CLSTN2: variants seen among roughly 807,000 people sequenced by gnomAD.
CLSTN2 encodes the protein calsyntenin-2.
Under a neutral mutation model 101.2 loss-of-function variants are expected in CLSTN2, and 48 were observed. The observed-to-expected ratio is 0.47, with a 90% CI of 0.38 to 0.60. The LOEUF is 0.60. Among genes scored for constraint, CLSTN2 ranks in the 20% least tolerant of loss-of-function variants. CLSTN2 has a pLI of 0.00. For missense variants in CLSTN2, 1,160 were observed against 1,238.2 expected, an observed-to-expected ratio of 0.94 and a Z score of 0.95; for synonymous variants, 481 against 463.6, an observed-to-expected ratio of 1.04 and a Z score of -0.48.
chr3:140,396,790 G>A (rs1335613018), intron 2 of CLSTN2, among the ~76,000 whole-genome samples: 10 of 152,152 alleles, frequency 6.6e-5, no homozygotes, highest in African/African-American at 1.7e-4. Context: ...AAACTGAGCC[G>A]CTCTGAGGCT....
At chr3:140,116,506 A>C (rs1012648205) in intron 1 of CLSTN2, among the ~76,000 whole-genome samples, 2 of 152,066 alleles carry the variant, frequency 1.3e-5, no homozygotes, top group Non-Finnish European at 2.9e-5. Flanking sequence ...TCTCCTTTTG[A>C]ACAGGGCCAG....
At chr3:140,107,032 A>AT (rs2009070779) in intron 1 of CLSTN2, among the ~76,000 whole-genome samples, 1 of 152,238 alleles carries the variant, frequency 6.6e-6, no homozygotes, top group Non-Finnish European at 1.5e-5. Context: ...GGCATTAAAG[A>AT]TAAAGATTTT....
intron 1 of CLSTN2, among the ~76,000 whole-genome samples, chr3:139,955,844 C>A: frequency 6.6e-6 from 1 of 152,170 alleles, no homozygotes; most frequent in Admixed American, 6.5e-5. Flanking sequence ...CGGAGGTGGG[C>A]AGCATGCATG....
chr3:140,311,314 TTTTTTTTTTGA>T (rs1441606996), intron 2 of CLSTN2, among the ~76,000 whole-genome samples: 3 of 71,456 alleles, frequency 4.2e-5, no homozygotes, highest in African/African-American at 1.5e-4. Flanking sequence ...TTTTTTTTTT[TTTTTTTTTTGA>T]GACAGAGTCT....
intron 1 of CLSTN2, among the ~76,000 whole-genome samples, chr3:140,092,712 C>G (rs567695043): frequency 2.0e-5 from 3 of 152,302 alleles, no homozygotes; most frequent in East Asian, 1.9e-4. Flanking sequence ...CCTGTGGACT[C>G]GAGCAAGTTA....
intron 2 of CLSTN2, among the ~76,000 whole-genome samples, chr3:140,326,608 T>C (rs1245956788): frequency 6.6e-6 from 1 of 152,224 alleles, no homozygotes; most frequent in African/African-American, 2.4e-5. Context: ...TATTTTTCCA[T>C]CTCAGATTCC....
chr3:140,289,334 TTTTG>T (rs1399197059), intron 2 of CLSTN2, among the ~76,000 whole-genome samples: 4 of 152,036 alleles, frequency 2.6e-5, no homozygotes, highest in South Asian at 4.2e-4. Flanking sequence ...TTGTGTTTTT[TTTTG>T]TTTGTTTGTT....
chr3:140,269,293 A>G (rs967989583), intron 2 of CLSTN2, among the ~76,000 whole-genome samples: 8 of 152,338 alleles, frequency 5.3e-5, no homozygotes, highest in Middle Eastern at 3.4e-3. Flanking sequence ...TTTGTCCCCA[A>G]TAGCTTTATT....
At chr3:140,320,518 G>A (rs937737231) in intron 2 of CLSTN2, among the ~76,000 whole-genome samples, 9 of 151,840 alleles carry the variant, frequency 5.9e-5, no homozygotes, top group Non-Finnish European at 1.2e-4. Context: ...GACACCTCAG[G>A]CCAGTGGGGC....
At chr3:140,016,793 GAAAA>G (rs56040791) in intron 1 of CLSTN2, among the ~76,000 whole-genome samples, 1 of 89,298 alleles carries the variant, frequency 1.1e-5, no homozygotes, top group Non-Finnish European at 2.0e-5. Flanking sequence ...GTGAGACTCT[GAAAA>G]AAAAAAAAAA....
At chr3:140,163,416 C>G (rs995356557) in intron 1 of CLSTN2, among the ~76,000 whole-genome samples, 23 of 128,102 alleles carry the variant, frequency 1.8e-4, no homozygotes, top group African/African-American at 1.1e-3. Flanking sequence ...AATTTTCTAT[C>G]TCTACACACA....
intron 2 of CLSTN2, among the ~76,000 whole-genome samples, chr3:140,223,397 C>T (rs1025730662): frequency 6.6e-6 from 1 of 152,208 alleles, no homozygotes; most frequent in African/African-American, 2.4e-5. Flanking sequence ...CCTCCCAGCA[C>T]CTGGACCAGC....
chr3:140,156,042 G>A (rs980351844), intron 1 of CLSTN2, among the ~76,000 whole-genome samples: 1 of 151,932 alleles, frequency 6.6e-6, no homozygotes, highest in African/African-American at 2.4e-5. Context: ...CTTCTTCAGC[G>A]TTGTTACTTA....
At chr3:140,370,185 A>C (rs1437331363) in intron 2 of CLSTN2, among the ~76,000 whole-genome samples, 1 of 152,196 alleles carries the variant, frequency 6.6e-6, no homozygotes, top group Non-Finnish European at 1.5e-5. Flanking sequence ...CCTTCCCTAG[A>C]GTCTGCTTCA....
intron 5 of CLSTN2, among the ~76,000 whole-genome samples, chr3:140,442,846 A>T (rs891032492): frequency 6.6e-6 from 1 of 152,168 alleles, no homozygotes; most frequent in Non-Finnish European, 1.5e-5. Flanking sequence ...TCTCCAGCCC[A>T]TCTCTGCTTC....
chr3:140,399,544 C>T lies in CLSTN2; in HGVS notation c.233-4085C>T, dbSNP rs990388608. On this transcript the variant is annotated intron_variant, in intron 2 of 16. Coordinates refer to ENST00000458420, the MANE Select transcript of CLSTN2 (RefSeq NM_022131.3). ...TTTTACCTTTTCTATTATGCAATGT[C>T]CATTTTTAAATACAAATATAAGAGC... 7.2e-5 allele frequency among the ~76,000 whole-genome samples: 11 copies of T among 152,206 alleles called. No individual in the cohort carries two copies. The South Asian group carries it at 1.9e-3, about 26-fold the overall frequency.
At chr3:140,171,752 G>GTATAATA (rs67310886) in intron 1 of CLSTN2, among the ~76,000 whole-genome samples, 1 of 94,514 alleles carries the variant, frequency 1.1e-5, no homozygotes. Flanking sequence ...TATATAATAT[G>GTATAATA]TATAATATAT....
intron 8 of CLSTN2, among the ~76,000 whole-genome samples, chr3:140,496,090 T>C (rs1934459064): frequency 6.6e-6 from 1 of 152,222 alleles, no homozygotes; most frequent in Non-Finnish European, 1.5e-5. Context: ...TTCTTCCTAT[T>C]CATGATCATG....
intron 1 of CLSTN2, among the ~76,000 whole-genome samples, chr3:139,976,840 G>A (rs920366798): frequency 6.6e-6 from 1 of 152,176 alleles, no homozygotes; most frequent in Admixed American, 6.5e-5. Context: ...GTGTGTGCAT[G>A]CATGTGCACA....
Sources: allele counts gnomAD v4.1 joint callset (sites outside exome capture counted in the v4.1 genomes callset), GRCh38; gene constraint gnomAD v4.1.1; transcripts MANE v1.5; gene names NCBI Gene and HGNC (gene_info 2026-07-23, HGNC 2026-07-21).